The following PCCA variants were observed in gnomAD, a reference collection of about 807,000 sequenced individuals.
The protein encoded by PCCA is propionyl-CoA carboxylase alpha chain, mitochondrial.
A neutral mutation model predicts 101.3 loss-of-function variants in PCCA; 74 were observed. The ratio of observed to expected loss-of-function variants is 0.73; its 90% CI spans 0.61 to 0.89. The LOEUF (loss-of-function observed/expected upper bound fraction) is 0.89. Ranked by LOEUF, PCCA falls within the 40% of genes least tolerant of loss-of-function variation. The probability of loss-of-function intolerance (pLI) is 0.00; values close to 1 mark genes in which losing one functional copy is unlikely to be tolerated. For missense variants in PCCA, 891 were observed against 907.0 expected, an observed-to-expected ratio of 0.98 and a Z score of 0.23; for synonymous variants, 294 against 313.6, an observed-to-expected ratio of 0.94 and a Z score of 0.66.
rs1566821820 is a variant in PCCA, at chr13:100,263,842, C to CGT, written c.819+1012_819+1013dup. ...TATCATATATATGGTATCTGTATAT[C>CGT]GTATATATATATATGGTATCTGTAT... On this transcript the variant is annotated intron_variant, in intron 10 of 23. Coordinates refer to ENST00000376285, the MANE Select transcript of PCCA (RefSeq NM_000282.4). Among the ~76,000 whole-genome samples the CGT allele has an allele frequency of 7.7e-4, 84 of 108,888 alleles. 2 individuals carry two copies. Among genetic ancestry groups the CGT allele is most frequent in the East Asian group, 2.4e-4 (1 of 4,102 alleles). The allele number at this position is 108,888 out of a possible 152,430, so 71.4% of individuals were successfully genotyped here.
chr13:100,227,305 G>T (rs1303629264), intron 7 of PCCA, among the ~76,000 whole-genome samples: 1 of 152,090 alleles, frequency 6.6e-6, no homozygotes, highest in Non-Finnish European at 1.5e-5. Context: ...TGCAAGGCTT[G>T]GTTACCCCAC....
chr13:100,171,979 C>T (rs984185651), intron 6 of PCCA, among the ~76,000 whole-genome samples: 2 of 147,986 alleles, frequency 1.4e-5, no homozygotes, highest in Admixed American at 6.9e-5. Context: ...TTGCAGTGAG[C>T]GGAGTTCTCG....
At chr13:100,270,193 G>A (rs1235803145) in intron 11 of PCCA, among the ~76,000 whole-genome samples, 1 of 152,214 alleles carries the variant, frequency 6.6e-6, no homozygotes, top group African/African-American at 2.4e-5. Context: ...TGTGTCTTTA[G>A]GAAGATCCTG....
At position 100,433,405 on chromosome 13, in the gene PCCA, C is replaced by T. The variant is rs543064088; in HGVS notation, c.1845+7674C>T. ...TGAAGAAAAAGCATTCCGAATACTT[C>T]TAGGATGTGTCCTTCCTATATTGGT... On this transcript the variant is annotated intron_variant, in intron 20 of 23. Coordinates refer to ENST00000376285, the MANE Select transcript of PCCA (RefSeq NM_000282.4). Among the ~76,000 whole-genome samples the T allele has an allele frequency of 3.3e-5, 5 of 152,232 alleles. No individual in the cohort carries two copies. The East Asian group carries it at 9.7e-4, about 29-fold the overall frequency.
At chr13:100,140,484 C>T (rs956238721) in intron 4 of PCCA, among the ~76,000 whole-genome samples, 16 of 152,104 alleles carry the variant, frequency 1.1e-4, no homozygotes, top group Middle Eastern at 3.2e-3. Context: ...CCCTTTCCTG[C>T]CTTTTGAGTG....
intron 9 of PCCA, among the ~76,000 whole-genome samples, chr13:100,262,410 A>T (rs933609789): frequency 6.6e-6 from 1 of 151,872 alleles, no homozygotes; most frequent in African/African-American, 2.4e-5. Context: ...AAAAAAAGTG[A>T]TACTTAGCAG....
chr13:100,438,961 T>C (rs1454977801), intron 20 of PCCA, among the ~76,000 whole-genome samples: 1 of 152,094 alleles, frequency 6.6e-6, no homozygotes, highest in Non-Finnish European at 1.5e-5. Flanking sequence ...ACGGTCAGAG[T>C]GGAATGTAGT....
At chr13:100,270,054 G>A (rs956341901) in intron 11 of PCCA, among the ~76,000 whole-genome samples, 4 of 152,166 alleles carry the variant, frequency 2.6e-5, no homozygotes, top group Non-Finnish European at 5.9e-5. Context: ...GGATGCTTGT[G>A]CTTACACACC....
At chr13:100,450,997 T>A (rs954681845) in intron 21 of PCCA, among the ~76,000 whole-genome samples, 17 of 152,114 alleles carry the variant, frequency 1.1e-4, no homozygotes, top group African/African-American at 4.1e-4. Context: ...CTCAAGCAAT[T>A]GTGGAGGCTT....
At chr13:100,348,547 G>A (rs1182416714) in intron 18 of PCCA, among the ~76,000 whole-genome samples, 1 of 152,050 alleles carries the variant, frequency 6.6e-6, no homozygotes, top group African/African-American at 2.4e-5. Flanking sequence ...AAATGATTTT[G>A]TTGACATTGT....
chr13:100,221,727 C>A (rs1407467919), intron 7 of PCCA, among the ~76,000 whole-genome samples: 5 of 149,286 alleles, frequency 3.3e-5, no homozygotes, highest in Admixed American at 6.7e-5. Flanking sequence ...TAAGGAATGT[C>A]CTTTTGTTTC....
At chr13:100,342,948 C>T (rs1291505708) in intron 18 of PCCA, among the ~76,000 whole-genome samples, 1 of 151,970 alleles carries the variant, frequency 6.6e-6, no homozygotes, top group African/African-American at 2.4e-5. Flanking sequence ...TCTCGAACTC[C>T]TGGGCTCAAG....
intron 6 of PCCA, among the ~76,000 whole-genome samples, chr13:100,189,254 T>C (rs941912139): frequency 8.5e-5 from 13 of 152,346 alleles, no homozygotes; most frequent in African/African-American, 2.9e-4. Flanking sequence ...CCATGGTATA[T>C]GTATGTGCCA....
At position 100,364,381 on chromosome 13, in the gene PCCA, A is replaced by G. The variant is rs193094214; in HGVS notation, c.1644-4091A>G. Among the ~76,000 whole-genome samples the G allele has an allele frequency of 4.4e-4, 67 of 152,324 alleles. 2 individuals are homozygous for G. The East Asian group carries it at 0.013, about 28-fold the overall frequency. On this transcript the variant is annotated intron_variant, in intron 18 of 23. Transcript: ENST00000376285. ...TTGTAGGTAATTGTTACTATCATAAATCTGTCTGTGCTGGTTAAATTAATA... is the reference window on the plus strand; with the variant it reads ...TTGTAGGTAATTGTTACTATCATAAGTCTGTCTGTGCTGGTTAAATTAATA...
chr13:100,117,837 C>T (rs1019901932), intron 4 of PCCA, among the ~76,000 whole-genome samples: 1 of 151,948 alleles, frequency 6.6e-6, no homozygotes, highest in African/African-American at 2.4e-5. Context: ...AAAAAAGAGG[C>T]CGGGCGTAGT....
Position 100,452,623 on chromosome 13 carries a change from C to T in PCCA, c.1899+3318C>T, listed in dbSNP as rs115443026. ...CAGTTCTGGTCACTCTTTCCAACAT[C>T]TTATTCCCCCTCGCCCACTTTATTT... On this transcript the variant is annotated intron_variant, in intron 21 of 23. Transcript: ENST00000376285. 4.8e-3 allele frequency among the ~76,000 whole-genome samples: 723 copies of T among 150,942 alleles called. 5 individuals carry two copies. Among genetic ancestry groups the T allele is most frequent in the African/African-American group, 0.017 (673 of 40,440 alleles).
Position 100,330,561 on chromosome 13 carries a change from G to T in PCCA, c.1430G>T (p.Gly477Val), listed in dbSNP as rs776355907. 2.1e-5 allele frequency: 32 copies of T among 1,551,784 alleles called. No individual in the cohort carries two copies. The highest frequency in any genetic ancestry group is 2.7e-5 in the Non-Finnish European group (30 of 1,124,646). Reference sequence around the variant, plus strand: ...CAATTTGATATCATTTTACTTTTAGGTGTTACACATAATATTGCATTACTT... The same window carrying T: ...CAATTTGATATCATTTTACTTTTAGTTGTTACACATAATATTGCATTACTT... ...ADALDNYVIR[G>V]VTHNIALLRE... Residue 477 changes from glycine (G) to valine (V), a missense_variant and splice_region_variant, in exon 17 of 24, where the codon GGT (glycine) becomes GTT (valine). By Grantham distance (109) the Gly-to-Val change is moderately radical. Coordinates refer to ENST00000376285, the MANE Select transcript of PCCA (RefSeq NM_000282.4).
intron 16 of PCCA, among the ~76,000 whole-genome samples, chr13:100,326,820 C>T (rs1329946294): frequency 2.0e-5 from 3 of 152,078 alleles, no homozygotes; most frequent in Non-Finnish European, 4.4e-5. Flanking sequence ...TGCAAGACTG[C>T]AGTATTTAAT....
At chr13:100,138,933 T>C (rs2051510468) in intron 4 of PCCA, among the ~76,000 whole-genome samples, 1 of 28,572 alleles carries the variant, frequency 3.5e-5, no homozygotes, top group Non-Finnish European at 6.1e-5. Context: ...AAACTCCATC[T>C]CAAAAAAAAA....
Sources: allele counts gnomAD v4.1 joint callset (sites outside exome capture counted in the v4.1 genomes callset), GRCh38; gene constraint gnomAD v4.1.1; transcripts MANE v1.5; gene names NCBI Gene and HGNC (gene_info 2026-07-23, HGNC 2026-07-21).